The following LEPROT variants were observed in gnomAD, a reference collection of about 807,000 sequenced individuals.
LEPROT encodes leptin receptor overlapping transcript.
Under a neutral mutation model 15.4 loss-of-function variants are expected in LEPROT, and 3 were observed. That is an observed-to-expected ratio of 0.19 (90% CI 0.09 to 0.50). The LOEUF (loss-of-function observed/expected upper bound fraction) is 0.50, where lower values mean the gene tolerates loss of function less well. Among genes scored for constraint, LEPROT ranks in the 20% least tolerant of loss-of-function variants. The pLI, the probability that LEPROT is intolerant of heterozygous loss-of-function variation, is 0.97. For synonymous variants in LEPROT, 59 were observed against 57.5 expected, an observed-to-expected ratio of 1.03 and a Z score of -0.12; for missense variants, 137 against 162.2, an observed-to-expected ratio of 0.84 and a Z score of 0.84.
chr1:65,433,190 G>C lies in LEPROT; in HGVS notation c.*1271G>C, dbSNP rs17750. 0.37 allele frequency: 363,306 copies of C among 984,678 alleles called. 71,164 individuals are homozygous for C. Among genetic ancestry groups the C allele is most frequent in the Non-Finnish European group, 0.4 (330,933 of 829,726 alleles). 61.0% of individuals were successfully genotyped at this position (984,678 alleles called of 1,614,324 possible). A position where few individuals can be genotyped will look rare whatever the true frequency, so the allele number is the denominator to read the frequency against. On this transcript the variant is annotated 3_prime_UTR_variant, in exon 4 of 4. Transcript: ENST00000371065. The stretch of plus-strand genomic sequence containing the variant: ...TGCCCCCCACCCCTACTCCTCAACA[G>C]TTCTGGTTTGCCCTGACTTCTCTAC...
chr1:65,433,134 G>T lies in LEPROT; in HGVS notation c.*1215G>T. 3.0e-6 allele frequency: 3 copies of T among 985,386 alleles called. No individual in the cohort carries two copies. The highest frequency in any genetic ancestry group is 4.7e-5 in the South Asian group (1 of 21,284). 61.0% of individuals were successfully genotyped at this position (985,386 alleles called of 1,614,324 possible). A position where few individuals can be genotyped will look rare whatever the true frequency, so the allele number is the denominator to read the frequency against. On this transcript the variant is annotated 3_prime_UTR_variant, in exon 4 of 4. Transcript: ENST00000371065. ...GGTAACTCTTTTACATTTCCTTTAT[G>T]ATCTGGCACTTCTCCCCAGCTCCTT... is the stretch of plus-strand genomic sequence containing the variant.
In LEPROT at chr1:65,429,957, G is replaced by A. The variant is rs1646454499; in HGVS notation, c.188G>A (p.Ser63Asn). 6.3e-7 allele frequency: 1 copy of A among 1,578,732 alleles called. No individual in the cohort carries two copies. The highest frequency in any genetic ancestry group is 8.7e-7 in the Non-Finnish European group (1 of 1,153,436). Residue 63 changes from serine to asparagine, a missense_variant, in exon 3 of 4, where the codon AGT (serine) becomes AAT (asparagine). By Grantham distance (46) the Ser-to-Asn change is conservative (BLOSUM62 1). Transcript: ENST00000371065. ...GTCACCTATGACTCAGATGCAACCA[G>A]TAGTGCCTGTCGGGAACTGGCATAT... ...KRVTYDSDAT[S>N]SACRELAYFF...
Position 65,429,991 on chromosome 1 carries a change from T to C in LEPROT, c.222T>C (p.Thr74=). 2 of 1,576,428 alleles carry C rather than the reference T, an allele frequency of 1.3e-6. No homozygotes were observed. Among genetic ancestry groups the C allele is most frequent in the East Asian group, 2.3e-5 (1 of 43,990 alleles). The change falls in exon 3 of 4, where the codon ACT becomes ACC. Residue 74 remains threonine, a synonymous_variant. Coordinates refer to ENST00000371065, the MANE Select transcript of LEPROT (RefSeq NM_017526.5). Reference sequence around the variant, plus strand: ...GTCGGGAACTGGCATATTTCTTCACTACTGGAATTGTTGTTTCTGCCTTTG... The same window carrying C: ...GTCGGGAACTGGCATATTTCTTCACCACTGGAATTGTTGTTTCTGCCTTTG... ...SACRELAYFF[T]TGIVVSAFGF... is the part of the protein sequence containing the mutation.
chr1:65,431,947 A>G lies in LEPROT; in HGVS notation c.*28A>G, dbSNP rs1274422698. 6.2e-7 allele frequency: 1 copy of G among 1,606,140 alleles called. No individual in the cohort carries two copies. Among genetic ancestry groups the G allele is most frequent in the Non-Finnish European group, 8.5e-7 (1 of 1,177,668 alleles). On this transcript the variant is annotated 3_prime_UTR_variant, in exon 4 of 4. Coordinates refer to ENST00000371065, the MANE Select transcript of LEPROT (RefSeq NM_017526.5). ...CTTTATTCTGATTACAGTGCATTGAATTTCTTAGAACTCATACTATCTGTA... is the reference window on the plus strand; with the variant it reads ...CTTTATTCTGATTACAGTGCATTGAGTTTCTTAGAACTCATACTATCTGTA...
chr1:65,432,474 T>G lies in LEPROT; in HGVS notation c.*555T>G, dbSNP rs1570437297. On this transcript the variant is annotated 3_prime_UTR_variant, in exon 4 of 4. Transcript: ENST00000371065. Reference sequence around the variant, plus strand: ...TATGCACATGAAAGTTTGAGAAGCATCATCATAGAGAAGTAAACATCACAC... The same window carrying G: ...TATGCACATGAAAGTTTGAGAAGCAGCATCATAGAGAAGTAAACATCACAC... 1 of 596,318 alleles carries G rather than the reference T, an allele frequency of 1.7e-6. No homozygotes were observed. Among genetic ancestry groups the G allele is most frequent in the Non-Finnish European group, 2.1e-6 (1 of 474,516 alleles). 36.9% of individuals were successfully genotyped at this position (596,318 alleles called of 1,614,324 possible).
chr1:65,431,254 A>G (rs1425638125), intron 3 of LEPROT, among the ~76,000 whole-genome samples: 1 of 152,134 alleles, frequency 6.6e-6, no homozygotes, highest in East Asian at 1.9e-4. Context: ...ACTTTCATTG[A>G]TGTTTCTCTT....
chr1:65,428,547 C>A (rs993261926), intron 2 of LEPROT, among the ~76,000 whole-genome samples: 5 of 152,194 alleles, frequency 3.3e-5, no homozygotes, highest in African/African-American at 1.2e-4. Context: ...CCTGAGTCCT[C>A]TTGAAGGACA....
intron 2 of LEPROT, among the ~76,000 whole-genome samples, chr1:65,426,955 G>A (rs919469374): frequency 2.0e-5 from 3 of 151,786 alleles, no homozygotes; most frequent in Non-Finnish European, 4.4e-5. Context: ...CCAAGATCGT[G>A]CCACTGCACT....
rs1646516274 is a variant in LEPROT at position 65,433,474 on chromosome 1, A to C, written c.*1555A>C. ...AGGAGAACCATTTGATCAGAATACA[A>C]CCAATAGTCTTTAAGCATTGTTAAA... is the stretch of plus-strand genomic sequence containing the variant. On this transcript the variant is annotated 3_prime_UTR_variant, in exon 4 of 4. Transcript: ENST00000371065. 4.1e-6 allele frequency: 4 copies of C among 985,356 alleles called. No individual in the cohort carries two copies. In the African/African-American group the frequency reaches 5.2e-5, roughly 13 times the overall value. The allele number at this position is 985,356 out of a possible 1,614,324, so 61.0% of individuals were successfully genotyped here.
chr1:65,429,792 G>C (rs998340216), intron 2 of LEPROT, 70 bp from the exon 3 acceptor site: 26 of 1,227,164 alleles, frequency 2.1e-5, no homozygotes, highest in Middle Eastern at 3.0e-4. Context: ...TTTTGAAATA[G>C]TAGTATGTCT....
chr1:65,430,019 T>C lies in LEPROT; in HGVS notation c.250T>C (p.Phe84Leu), dbSNP rs781413123. Residue 84 changes from phenylalanine (F) to leucine (L), a missense_variant, in exon 3 of 4, where the codon TTT (phenylalanine) becomes CTT (leucine). Coordinates refer to ENST00000371065, the MANE Select transcript of LEPROT (RefSeq NM_017526.5). ...TGGAATTGTTGTTTCTGCCTTTGGA[T>C]TTCCTGTTATTCTTGCTCGTGTGGC... ...TTGIVVSAFGFPVILARVAVI... is the reference protein window; with the variant it reads ...TTGIVVSAFGLPVILARVAVI... 6.4e-7 allele frequency: 1 copy of C among 1,565,884 alleles called. No homozygotes were observed. Among genetic ancestry groups the C allele is most frequent in the Non-Finnish European group, 8.7e-7 (1 of 1,144,228 alleles).
intron 3 of LEPROT, among the ~76,000 whole-genome samples, chr1:65,431,437 A>G (rs1646482909): frequency 6.6e-6 from 1 of 152,238 alleles, no homozygotes; most frequent in Non-Finnish European, 1.5e-5. Flanking sequence ...TTATAACTCT[A>G]CAATTTTTAT....
At position 65,435,782 on chromosome 1, in the gene LEPROT, T is replaced by G. The variant is rs1029715825; in HGVS notation, c.*3863T>G. The stretch of plus-strand genomic sequence containing the variant: ...GTAATTAGTTCACAACTGAGAAATA[T>G]TATGTCTGTAGTAGATAAATATTAG... On this transcript the variant is annotated 3_prime_UTR_variant, in exon 4 of 4. Transcript: ENST00000371065. The G allele has an allele frequency of 1.0e-6, 1 of 981,120 alleles. No individual in the cohort carries two copies. The highest frequency in any genetic ancestry group is 1.7e-5 in the African/African-American group (1 of 57,262). The allele number at this position is 981,120 out of a possible 1,614,324, so 60.8% of individuals were successfully genotyped here.
chr1:65,433,080 C>G lies in LEPROT; in HGVS notation c.*1161C>G. Reference sequence around the variant, plus strand: ...AGGGAGGCTGGGCTCGAGCCAGCCCCTGCGTTAGCAGGAGGGGGAGAACAG... The same window carrying G: ...AGGGAGGCTGGGCTCGAGCCAGCCCGTGCGTTAGCAGGAGGGGGAGAACAG... On this transcript the variant is annotated 3_prime_UTR_variant, in exon 4 of 4. Coordinates refer to ENST00000371065, the MANE Select transcript of LEPROT (RefSeq NM_017526.5). The G allele has an allele frequency of 2.0e-6, 2 of 985,300 alleles. No homozygotes were observed. The highest frequency in any genetic ancestry group is 2.4e-6 in the Non-Finnish European group (2 of 829,820). The allele number at this position is 985,300 out of a possible 1,614,324, so 61.0% of individuals were successfully genotyped here. A position where few individuals can be genotyped will look rare whatever the true frequency, so the allele number is the denominator to read the frequency against.
chr1:65,426,948 A>G (rs1164851265), intron 2 of LEPROT, among the ~76,000 whole-genome samples: 2 of 152,154 alleles, frequency 1.3e-5, no homozygotes, highest in Admixed American at 6.5e-5. Context: ...TAGTGAGCCA[A>G]GATCGTGCCA....
chr1:65,425,209 G>T (rs1290248517), intron 1 of LEPROT, 94 bp from the exon 2 acceptor site: 10 of 991,950 alleles, frequency 1.0e-5, no homozygotes, highest in East Asian at 2.4e-5. Flanking sequence ...AGAAACTCTG[G>T]ACCTATTAGA....
rs1166972990 is a variant in LEPROT at position 65,432,909 on chromosome 1, TA to T, written c.*995del. 2.5e-5 allele frequency: 23 copies of T among 934,068 alleles called. No individual in the cohort carries two copies. Among genetic ancestry groups the T allele is most frequent in the Non-Finnish European group, 2.9e-5 (23 of 783,380 alleles). 57.9% of individuals were successfully genotyped at this position (934,068 alleles called of 1,614,324 possible). A position where few individuals can be genotyped will look rare whatever the true frequency, so the allele number is the denominator to read the frequency against. The stretch of plus-strand genomic sequence containing the variant: ...AATCATAAAACCGTATTGTACCCTA[TA>T]AAAATATACAATAATTTGTCAATAT... On this transcript the variant is annotated 3_prime_UTR_variant, in exon 4 of 4. Transcript: ENST00000371065.
chr1:65,425,197 A>G (rs2101680097), intron 1 of LEPROT, 106 bp from the exon 2 acceptor site: 1 of 894,488 alleles, frequency 1.1e-6, no homozygotes, highest in Middle Eastern at 2.1e-4. Context: ...CTCATCCGCC[A>G]AAGAAACTCT....
In LEPROT at chr1:65,435,754, A is replaced by G. The variant is rs1646554150; in HGVS notation, c.*3835A>G. The stretch of plus-strand genomic sequence containing the variant: ...ATGAGGATGCTAGCATTTTCCAAGC[A>G]TAGTAATTAGTTCACAACTGAGAAA... On this transcript the variant is annotated 3_prime_UTR_variant, in exon 4 of 4. Transcript: ENST00000371065. The G allele has an allele frequency of 4.1e-6, 4 of 984,390 alleles. No homozygotes were observed. The highest frequency in any genetic ancestry group is 6.2e-5 in the Admixed American group (1 of 16,258). The allele number at this position is 984,390 out of a possible 1,614,324, so 61.0% of individuals were successfully genotyped here.
Sources: allele counts gnomAD v4.1 joint callset (sites outside exome capture counted in the v4.1 genomes callset), GRCh38; gene constraint gnomAD v4.1.1; transcripts MANE v1.5; gene names NCBI Gene and HGNC (gene_info 2026-07-23, HGNC 2026-07-21).